ESR1: variants seen among roughly 807,000 people sequenced by gnomAD.
The protein encoded by ESR1 is estrogen receptor 1.
ESR1 carries 12 observed loss-of-function variants against 52.7 expected under a neutral mutation model. That is an observed-to-expected ratio of 0.23 (90% CI 0.15 to 0.37). The LOEUF is 0.37. Among genes scored for constraint, ESR1 ranks in the 10% least tolerant of loss-of-function variants. The probability of loss-of-function intolerance (pLI) is 1.00; values close to 1 mark genes in which losing one functional copy is unlikely to be tolerated. For synonymous variants in ESR1, 305 were observed against 316.8 expected (o/e 0.96, Z 0.39); for missense variants, 584 against 779.7 (o/e 0.75, Z 2.99).
At chr6:151,853,507 C>T (rs1350312512) in intron 2 of ESR1, among the ~76,000 whole-genome samples, 1 of 152,100 alleles carries the variant, frequency 6.6e-6, no homozygotes, top group Non-Finnish European at 1.5e-5. Flanking sequence ...AGTAGTTCTT[C>T]TTTTTTCCTC....
At chr6:151,901,630 C>T (rs1796712396) in intron 3 of ESR1, among the ~76,000 whole-genome samples, 1 of 152,184 alleles carries the variant, frequency 6.6e-6, no homozygotes, top group African/African-American at 2.4e-5. Flanking sequence ...CTTTCTCTAC[C>T]CTTTATTTCA....
At chr6:151,823,440 CTAT>C (rs1780926432) in intron 1 of ESR1, among the ~76,000 whole-genome samples, 1 of 151,916 alleles carries the variant, frequency 6.6e-6, no homozygotes. Context: ...TTTGAAATGA[CTAT>C]TATTTGTTTT....
intron 2 of ESR1, among the ~76,000 whole-genome samples, chr6:151,752,778 T>C (rs1357391200): frequency 6.6e-6 from 1 of 152,246 alleles, no homozygotes; most frequent in Non-Finnish European, 1.5e-5. Context: ...ATGAGGGTTC[T>C]GAGCAGTATG....
chr6:151,659,569 CT>C (rs1777569539), intron 1 of ESR1, among the ~76,000 whole-genome samples: 1 of 152,156 alleles, frequency 6.6e-6, no homozygotes, highest in Non-Finnish European at 1.5e-5. Flanking sequence ...TCCGATTTAT[CT>C]ATAGGATTCC....
intron 4 of ESR1, among the ~76,000 whole-genome samples, chr6:151,955,512 C>T (rs1022072813): frequency 2.0e-5 from 3 of 152,038 alleles, no homozygotes; most frequent in Non-Finnish European, 4.4e-5. Context: ...GGGGATTTCT[C>T]TTATCTAAAA....
chr6:151,736,215 T>G (rs1003414348), intron 2 of ESR1, among the ~76,000 whole-genome samples: 14 of 152,128 alleles, frequency 9.2e-5, no homozygotes, highest in Non-Finnish European at 2.1e-4. Context: ...ATTTTCTCAT[T>G]CATTGTCCCT....
At chr6:151,691,974 A>C (rs1024055919) in intron 1 of ESR1, among the ~76,000 whole-genome samples, 11 of 152,254 alleles carry the variant, frequency 7.2e-5, no homozygotes, top group Admixed American at 2.6e-4. Flanking sequence ...GGAAATTACA[A>C]ATAAAAACAA....
intron 2 of ESR1, among the ~76,000 whole-genome samples, chr6:151,754,240 T>C (rs1385864283): frequency 3.3e-5 from 5 of 151,868 alleles, no homozygotes; most frequent in Admixed American, 6.6e-5. Flanking sequence ...AAGTGAAAAA[T>C]AGTTAAACCT....
At chr6:151,737,126 C>G (rs1051711994) in intron 2 of ESR1, among the ~76,000 whole-genome samples, 3 of 152,114 alleles carry the variant, frequency 2.0e-5, no homozygotes, top group African/African-American at 7.2e-5. Flanking sequence ...TATTATTCTT[C>G]CCCATGCTTT....
At chr6:151,861,222 G>A (rs1303665094) in intron 2 of ESR1, among the ~76,000 whole-genome samples, 5 of 152,120 alleles carry the variant, frequency 3.3e-5, no homozygotes, top group South Asian at 2.1e-4. Flanking sequence ...GAACACTCCC[G>A]AAGAATGGGG....
intron 5 of ESR1, among the ~76,000 whole-genome samples, chr6:152,050,390 AT>A (rs2046585982): frequency 6.6e-6 from 1 of 152,160 alleles, no homozygotes; most frequent in Non-Finnish European, 1.5e-5. Flanking sequence ...ATCATGCAAC[AT>A]GGTTTTTACC....
chr6:151,735,620 A>T (rs566417656), intron 2 of ESR1, among the ~76,000 whole-genome samples: 1 of 151,914 alleles, frequency 6.6e-6, no homozygotes, highest in South Asian at 2.1e-4. Context: ...GGTTACATGC[A>T]TGAATTGTAT....
rs531128123 is a variant in ESR1, at chr6:151,736,607, G to T, written c.-71+34602G>T. On this transcript the variant is annotated intron_variant, in intron 2 of 2. Coordinates refer to the ESR1 transcript ENST00000404742. ...TTGCCCAGGGTGGTCTCGAACTCCT[G>T]AGCTCAGGTGATCCACCCACCTTGG... 7.2e-5 allele frequency among the ~76,000 whole-genome samples: 11 copies of T among 152,116 alleles called. 1 individual carries two copies. The South Asian group carries it at 2.3e-3, about 32-fold the overall frequency.
At chr6:151,842,525 C>A in intron 1 of ESR1, 72 bp from the exon 2 acceptor site, 1 of 1,262,730 alleles carries the variant, frequency 7.9e-7, no homozygotes, top group Non-Finnish European at 1.1e-6. Context: ...TAAAGTGGAT[C>A]TGCTGCATCT....
chr6:151,858,695 A>G (rs1788337087), intron 2 of ESR1, among the ~76,000 whole-genome samples: 1 of 152,026 alleles, frequency 6.6e-6, no homozygotes, highest in African/African-American at 2.4e-5. Flanking sequence ...CAAGACAACA[A>G]TCATTACTGG....
intron 6 of ESR1, among the ~76,000 whole-genome samples, chr6:152,117,736 C>T (rs373638267): frequency 4.6e-5 from 7 of 152,306 alleles, no homozygotes; most frequent in East Asian, 1.9e-4. Context: ...CTTGTTCATG[C>T]ACTTATTCAT....
chr6:151,771,604 A>C (rs77795954), intron 2 of ESR1, among the ~76,000 whole-genome samples: 3,332 of 152,336 alleles, frequency 0.022, 119 homozygotes, highest in African/African-American at 0.077. Context: ...GGAGTGAAAA[A>C]CAGCAAGTTG....
intron 4 of ESR1, among the ~76,000 whole-genome samples, chr6:151,967,165 T>C (rs1176938623): frequency 1.3e-5 from 2 of 152,170 alleles, no homozygotes; most frequent in Non-Finnish European, 1.5e-5. Context: ...ATTTTAAAAC[T>C]ACTCTACTGC....
intron 2 of ESR1, among the ~76,000 whole-genome samples, chr6:151,738,883 C>T (rs549596287): frequency 1.2e-4 from 19 of 152,138 alleles, no homozygotes; most frequent in African/African-American, 4.3e-4. Context: ...GGAGTTGTCC[C>T]CTAAGGAAGG....
Sources: allele counts gnomAD v4.1 joint callset (sites outside exome capture counted in the v4.1 genomes callset), GRCh38; gene constraint gnomAD v4.1.1; transcripts MANE v1.5; gene names NCBI Gene and HGNC (gene_info 2026-07-23, HGNC 2026-07-21).